The following C2CD5 variants were observed in gnomAD, a reference collection of about 807,000 sequenced individuals.
C2CD5 encodes the protein C2 calcium dependent domain containing 5.
In C2CD5, 109 loss-of-function variants were observed where a neutral mutation model predicts 130.3. The observed-to-expected ratio is 0.84, with a 90% CI of 0.72 to 0.98. The LOEUF (loss-of-function observed/expected upper bound fraction) is 0.98. C2CD5 is among the 50% of genes least tolerant of loss of function. The pLI is 0.00. For missense variants in C2CD5, 996 were observed against 1,261.8 expected (o/e 0.79, Z 3.19); for synonymous variants, 454 against 429.2 (o/e 1.06, Z -0.71).
chr12:22,527,968 T>A, intron 3 of C2CD5, 76 bp from the exon 4 acceptor site: 2 of 754,060 alleles, frequency 2.7e-6, no homozygotes, highest in East Asian at 6.1e-5. Flanking sequence ...CTATATCAAA[T>A]GAAAAGGATG....
chr12:22,479,515 A>G (rs893314306), intron 14 of C2CD5, among the ~76,000 whole-genome samples: 1 of 152,224 alleles, frequency 6.6e-6, no homozygotes, highest in Non-Finnish European at 1.5e-5. Context: ...AACTTTTGCA[A>G]GGCAAGAGAC....
chr12:22,487,893 T>G (rs978692407), intron 12 of C2CD5, among the ~76,000 whole-genome samples: 1 of 152,082 alleles, frequency 6.6e-6, no homozygotes, highest in African/African-American at 2.4e-5. Flanking sequence ...TGAGTTCATG[T>G]CCTTTGTAGG....
At chr12:22,531,049 A>G (rs888619385) in intron 3 of C2CD5, among the ~76,000 whole-genome samples, 2 of 152,168 alleles carry the variant, frequency 1.3e-5, no homozygotes, top group African/African-American at 4.8e-5. Flanking sequence ...AGGCTATCAA[A>G]ATAAACTATA....
chr12:22,488,645 A>T (rs1015218600), intron 12 of C2CD5, among the ~76,000 whole-genome samples: 2 of 152,032 alleles, frequency 1.3e-5, no homozygotes, highest in African/African-American at 4.8e-5. Context: ...TGACAAAGAG[A>T]GTTTCCTCAA....
In C2CD5 at chr12:22,484,737, C is replaced by T; in HGVS notation, c.1510G>A (p.Asp504Asn). Residue 504 changes from aspartate (D) to asparagine (N), a missense_variant, in exon 13 of 27, where the codon GAT becomes AAT. Transcript: ENST00000446597. ...VLFTTIDLPTDATVIGKGCLI... is the reference protein window; with the variant it reads ...VLFTTIDLPTNATVIGKGCLI... ...CAACCTTTTCCAATAACTGTTGCAT[C>T]TGTTGGGAGGTCTATAGTTGTAAAC... is the stretch of plus-strand genomic sequence containing the variant. The T allele has an allele frequency of 6.3e-7, 1 of 1,594,398 alleles. No homozygotes were observed. Among genetic ancestry groups the T allele is most frequent in the South Asian group, 1.2e-5 (1 of 86,736 alleles).
In C2CD5 at chr12:22,518,112, G is replaced by T. The variant is rs1338908094; in HGVS notation, c.826C>A (p.Pro276Thr). The T allele has an allele frequency of 1.8e-5, 29 of 1,613,724 alleles. No homozygotes were observed. The highest frequency in any genetic ancestry group is 2.4e-5 in the Non-Finnish European group (28 of 1,179,794). ...KEIPFNEDPN[P>T]NTHSSGPSTP... is the part of the protein sequence containing the mutation. Reference sequence around the variant, plus strand: ...GAGGGTCCTGATGAGTGAGTATTGGGATTGGGATCTTCATTGAAGGGAATC... The same window carrying T: ...GAGGGTCCTGATGAGTGAGTATTGGTATTGGGATCTTCATTGAAGGGAATC... Residue 276 changes from proline (P) to threonine (T), a missense_variant, in exon 8 of 27, where the codon CCC (proline) becomes ACC (threonine). Transcript: ENST00000446597.
Position 22,513,349 on chromosome 12 carries a change from C to T in C2CD5, c.983G>A (p.Gly328Glu). The change falls in exon 9 of 27, where the codon GGG becomes GAG. Residue 328 changes from glycine to glutamate, a missense_variant. Physicochemically the swap from Gly to Glu is moderately conservative, Grantham distance 98 (BLOSUM62 -2). Around this residue, in one of 9 missense-constraint regions of C2CD5, gnomAD observed 156 missense variants for 165.9 expected, o/e 0.94. Coordinates refer to ENST00000446597, the MANE Select transcript of C2CD5 (RefSeq NM_001286176.2). ...TCTTAAAAGAGCTTTAAAGGGCCCC[C>T]CTTCTTTTCCAGCACTACCACTTCC... Reference protein sequence around the residue: ...GMGSGSAGKEGGPFKALLRQQ... With the variant: ...GMGSGSAGKEEGPFKALLRQQ... 6.2e-7 allele frequency: 1 copy of T among 1,612,276 alleles called. No individual in the cohort carries two copies. The highest frequency in any genetic ancestry group is 8.5e-7 in the Non-Finnish European group (1 of 1,178,506).
At chr12:22,518,287 T>G in intron 7 of C2CD5, 150 bp from the exon 8 acceptor site, 1 of 722,514 alleles carries the variant, frequency 1.4e-6, no homozygotes, top group Non-Finnish European at 2.4e-6. Context: ...AGACAACCAA[T>G]TGCTGTTTAA....
intron 2 of C2CD5, among the ~76,000 whole-genome samples, chr12:22,538,230 G>T (rs1952007412): frequency 6.6e-6 from 1 of 152,118 alleles, no homozygotes; most frequent in Non-Finnish European, 1.5e-5. Flanking sequence ...ATTCATCTCT[G>T]ATTTCCAGTT....
chr12:22,517,686 A>C (rs1163420345), intron 8 of C2CD5, among the ~76,000 whole-genome samples: 1 of 152,202 alleles, frequency 6.6e-6, no homozygotes, highest in East Asian at 1.9e-4. Context: ...TTTAGTCAAA[A>C]TGTTTTAAGA....
chr12:22,532,933 G>T (rs1951444142), intron 3 of C2CD5, among the ~76,000 whole-genome samples: 1 of 152,210 alleles, frequency 6.6e-6, no homozygotes, highest in Non-Finnish European at 1.5e-5. Flanking sequence ...TCCTCACAAG[G>T]TTCTTAAGTA....
At chr12:22,539,489 T>C (rs1381146125) in intron 2 of C2CD5, among the ~76,000 whole-genome samples, 1 of 152,096 alleles carries the variant, frequency 6.6e-6, no homozygotes, top group Admixed American at 6.6e-5. Context: ...AACCAACTCC[T>C]AAAGCTTTGC....
intron 10 of C2CD5, among the ~76,000 whole-genome samples, chr12:22,501,260 G>A (rs773233743): frequency 6.6e-6 from 1 of 151,970 alleles, no homozygotes; most frequent in African/African-American, 2.4e-5. Context: ...TTAAATGATG[G>A]CAAGATATAC....
intron 10 of C2CD5, among the ~76,000 whole-genome samples, chr12:22,498,333 G>A (rs144427434): frequency 1.2e-4 from 19 of 152,110 alleles, no homozygotes; most frequent in Non-Finnish European, 2.6e-4. Context: ...TGCAACACAT[G>A]GTAGGCACTC....
chr12:22,457,523 C>A (rs1361721903), intron 24 of C2CD5, among the ~76,000 whole-genome samples: 1 of 152,054 alleles, frequency 6.6e-6, no homozygotes, highest in Admixed American at 6.6e-5. Flanking sequence ...GAAAGTTGTT[C>A]TATTTCCCAG....
chr12:22,505,249 TCTTTC>T (rs1486841081), intron 10 of C2CD5, among the ~76,000 whole-genome samples: 4 of 146,190 alleles, frequency 2.7e-5, no homozygotes, highest in African/African-American at 8.1e-5. Context: ...TACCCTTCTT[TCTTTC>T]TTTTTTTTTT....
chr12:22,485,408 C>T (rs1417275911), intron 12 of C2CD5, among the ~76,000 whole-genome samples: 1 of 151,460 alleles, frequency 6.6e-6, no homozygotes, highest in Non-Finnish European at 1.5e-5. Context: ...AACAAGGTGA[C>T]TATAATTGAT....
At chr12:22,474,930 T>C in intron 15 of C2CD5, 39 bp from the exon 16 acceptor site, 8 of 1,394,566 alleles carry the variant, frequency 5.7e-6, no homozygotes, top group Non-Finnish European at 5.8e-6. Context: ...TATGAGATTG[T>C]CTTTTCCAGT....
intron 4 of C2CD5, among the ~76,000 whole-genome samples, chr12:22,526,535 A>G (rs867929053): frequency 6.6e-6 from 1 of 152,290 alleles, no homozygotes; most frequent in South Asian, 2.1e-4. Flanking sequence ...AAAACAAAAG[A>G]AGTTTTATTC....
Sources: gnomAD v4.1 joint callset for allele counts (sites outside exome capture counted in the v4.1 genomes callset) on GRCh38, gnomAD v4.1.1 for gene constraint, gnomAD v4.1.1 regional missense constraint, MANE v1.5 for transcripts, NCBI Gene and HGNC (gene_info 2026-07-23, HGNC 2026-07-21) for gene names.